Variants in AGPS observed in about 807,000 individuals in gnomAD.
The protein encoded by AGPS is alkylglycerone phosphate synthase.
Under a neutral mutation model 90.7 loss-of-function variants are expected in AGPS, and 26 were observed. That is an observed-to-expected ratio of 0.29 (90% confidence interval 0.21 to 0.40). The LOEUF is 0.40. Among genes scored for constraint, AGPS ranks in the 10% least tolerant of loss-of-function variants. The pLI, the probability that AGPS is intolerant of heterozygous loss-of-function variation, is 1.00. For missense variants in AGPS, 540 were observed against 816.1 expected (o/e 0.66, Z 4.12); for synonymous variants, 294 against 285.3 (o/e 1.03, Z -0.31).
intron 8 of AGPS, among the ~76,000 whole-genome samples, chr2:177,453,769 C>T (rs1488130705): frequency 7.7e-6 from 1 of 129,702 alleles, no homozygotes; most frequent in Non-Finnish European, 1.6e-5. Flanking sequence ...TTCACCACAA[C>T]CTCTGCCTCC....
intron 1 of AGPS, among the ~76,000 whole-genome samples, chr2:177,418,037 A>G (rs1217348130): frequency 2.0e-5 from 3 of 152,114 alleles, no homozygotes; most frequent in Non-Finnish European, 4.4e-5. Flanking sequence ...ATTTATGCAT[A>G]ATCCTGTTTT....
At chr2:177,485,786 A>G (rs1688075631) in intron 11 of AGPS, among the ~76,000 whole-genome samples, 1 of 152,068 alleles carries the variant, frequency 6.6e-6, no homozygotes. Flanking sequence ...GTATGGAGGC[A>G]TGTGCCTGTA....
chr2:177,421,841 A>G (rs1276779373), intron 2 of AGPS, among the ~76,000 whole-genome samples: 2 of 152,136 alleles, frequency 1.3e-5, no homozygotes, highest in Non-Finnish European at 2.9e-5. Context: ...CTTCTCGGAC[A>G]CTGTCCTCAT....
intron 9 of AGPS, among the ~76,000 whole-genome samples, chr2:177,467,040 C>A (rs1010408091): frequency 6.6e-6 from 1 of 152,212 alleles, no homozygotes. Context: ...TTCCAGCTCC[C>A]GTTGGCTCCA....
intron 1 of AGPS, among the ~76,000 whole-genome samples, chr2:177,409,452 T>C (rs758554432): frequency 6.6e-6 from 1 of 151,818 alleles, no homozygotes; most frequent in Non-Finnish European, 1.5e-5. Flanking sequence ...CTCTTTACTA[T>C]CTGATTGGTT....
intron 17 of AGPS, among the ~76,000 whole-genome samples, chr2:177,516,165 T>C (rs1689016756): frequency 6.6e-6 from 1 of 152,118 alleles, no homozygotes; most frequent in Non-Finnish European, 1.5e-5. Flanking sequence ...TATTTAAAAA[T>C]AATTATGGAT....
intron 8 of AGPS, among the ~76,000 whole-genome samples, chr2:177,447,844 G>A (rs1686822920): frequency 6.6e-6 from 1 of 152,012 alleles, no homozygotes; most frequent in Admixed American, 6.5e-5. Context: ...CTTCAGTTGA[G>A]GTAACCAGTT....
intron 8 of AGPS, among the ~76,000 whole-genome samples, chr2:177,458,573 A>C (rs962632577): frequency 1.2e-4 from 19 of 152,210 alleles, no homozygotes; most frequent in African/African-American, 4.3e-4. Flanking sequence ...TCCTATTCAC[A>C]ATTGCTACTA....
At chr2:177,534,029 G>A (rs532764778) in intron 19 of AGPS, among the ~76,000 whole-genome samples, 1 of 152,072 alleles carries the variant, frequency 6.6e-6, no homozygotes, top group African/African-American at 2.4e-5. Flanking sequence ...TTTTTAATAA[G>A]TCTATAATCT....
At chr2:177,461,020 A>G (rs1687276798) in intron 8 of AGPS, among the ~76,000 whole-genome samples, 1 of 152,236 alleles carries the variant, frequency 6.6e-6, no homozygotes, top group Non-Finnish European at 1.5e-5. Flanking sequence ...GACGTGGCTG[A>G]CATATTCTAC....
At chr2:177,468,352 C>G in intron 9 of AGPS, 64 bp from the exon 10 acceptor site, 1 of 926,676 alleles carries the variant, frequency 1.1e-6, no homozygotes, top group Non-Finnish European at 1.8e-6. Context: ...ATATAAATGT[C>G]TGTACATAGA....
At chr2:177,442,260 C>T in intron 6 of AGPS, 147 bp from the exon 7 acceptor site, 1 of 665,398 alleles carries the variant, frequency 1.5e-6, no homozygotes, top group Non-Finnish European at 2.7e-6. Context: ...AGTGTGTTAG[C>T]ATTTGCAAGT....
At chr2:177,413,878 A>G (rs1224856084) in intron 1 of AGPS, among the ~76,000 whole-genome samples, 1 of 152,166 alleles carries the variant, frequency 6.6e-6, no homozygotes, top group Non-Finnish European at 1.5e-5. Context: ...GTGTATTTCC[A>G]TTTTCAAATG....
In AGPS at chr2:177,392,799, G is replaced by T. The variant is rs1035761521; in HGVS notation, c.10G>T (p.Ala4Ser). The change falls in exon 1 of 20, where the codon GCG (alanine) becomes TCG (serine). Residue 4 changes from alanine to serine, a missense_variant. Coordinates refer to ENST00000264167, the MANE Select transcript of AGPS (RefSeq NM_003659.4). Reference protein sequence around the residue: MAEAAAAAGGTGLG... With the variant: MAESAAAAGGTGLG... ...GCACAAGGCGGTAGCCATGGCGGAG[G>T]CGGCGGCTGCAGCGGGTGGGACTGG... is the stretch of plus-strand genomic sequence containing the variant. The T allele has an allele frequency of 1.1e-5, 17 of 1,501,292 alleles. No individual in the cohort carries two copies. The Admixed American group carries it at 3.2e-4, about 28-fold the overall frequency. 93.0% of individuals were successfully genotyped at this position (1,501,292 alleles called of 1,614,324 possible). A position where few individuals can be genotyped will look rare whatever the true frequency, so the allele number is the denominator to read the frequency against.
intron 10 of AGPS, among the ~76,000 whole-genome samples, chr2:177,477,741 C>T (rs1329229893): frequency 6.6e-6 from 1 of 152,084 alleles, no homozygotes; most frequent in African/African-American, 2.4e-5. Flanking sequence ...GTTTACATTA[C>T]CATCTGTAAT....
intron 19 of AGPS, among the ~76,000 whole-genome samples, chr2:177,535,591 G>A (rs2079176322): frequency 6.6e-6 from 1 of 152,170 alleles, no homozygotes; most frequent in Non-Finnish European, 1.5e-5. Context: ...ATTGATCCAT[G>A]TGGGGTAACT....
Position 177,437,846 on chromosome 2 carries a change from A to G in AGPS, c.637+792A>G, listed in dbSNP as rs189589630. Among the ~76,000 whole-genome samples the G allele has an allele frequency of 2.7e-3, 413 of 152,310 alleles. 1 individual carries two copies. Among genetic ancestry groups the G allele is most frequent in the Non-Finnish European group, 4.2e-3 (286 of 68,004 alleles). ...TTGGAGGGACTGAGAGAAAAATTAT[A>G]CTTTAATGTGGGGGCAAGAGGCAGG... On this transcript the variant is annotated intron_variant, in intron 5 of 19. Transcript: ENST00000264167.
At chr2:177,396,571 A>G (rs1268128221) in intron 1 of AGPS, among the ~76,000 whole-genome samples, 1 of 152,216 alleles carries the variant, frequency 6.6e-6, no homozygotes, top group East Asian at 1.9e-4. Flanking sequence ...CTACAGTGTT[A>G]AGAATGGATT....
At chr2:177,440,190 G>A (rs371510199) in intron 5 of AGPS, among the ~76,000 whole-genome samples, 3 of 152,026 alleles carry the variant, frequency 2.0e-5, no homozygotes, top group African/African-American at 7.2e-5. Flanking sequence ...AAATTAATAG[G>A]TATTTAAATA....
Sources: allele counts gnomAD v4.1 joint callset (sites outside exome capture counted in the v4.1 genomes callset), GRCh38; gene constraint gnomAD v4.1.1; transcripts MANE v1.5; gene names NCBI Gene and HGNC (gene_info 2026-07-23, HGNC 2026-07-21).